Variants in QKI observed in about 807,000 individuals in gnomAD.
QKI encodes QKI, KH domain containing RNA binding.
A neutral mutation model predicts 39.0 loss-of-function variants in QKI; 10 were observed. That is an observed-to-expected ratio of 0.26 (90% CI 0.16 to 0.43). The LOEUF (loss-of-function observed/expected upper bound fraction) is 0.43. QKI is among the 20% of genes least tolerant of loss of function. The probability of loss-of-function intolerance (pLI) is 1.00; values close to 1 mark genes in which losing one functional copy is unlikely to be tolerated. For synonymous variants in QKI, 204 were observed against 155.4 expected (o/e 1.31, Z -2.33); for missense variants, 218 against 428.0 (o/e 0.51, Z 4.33).
intron 6 of QKI, 124 bp from the exon 7 acceptor site, chr6:163,566,597 C>T (rs920394994): frequency 9.8e-6 from 15 of 1,533,572 alleles, no homozygotes; most frequent in Admixed American, 4.1e-5. Flanking sequence ...TGTGCCTTAA[C>T]GTGTTTCTTA....
chr6:163,560,867 C>G (rs1369270246), intron 4 of QKI, among the ~76,000 whole-genome samples: 1 of 152,052 alleles, frequency 6.6e-6, no homozygotes, highest in Non-Finnish European at 1.5e-5. Context: ...GGGTGCTATG[C>G]CAAAAACAAC....
At chr6:163,482,915 G>A (rs1793189490) in intron 3 of QKI, among the ~76,000 whole-genome samples, 1 of 152,116 alleles carries the variant, frequency 6.6e-6, no homozygotes, top group Non-Finnish European at 1.5e-5. Context: ...TGGGGAATGA[G>A]GCTGAAAGTC....
At chr6:163,446,865 C>T (rs1434569424) in intron 1 of QKI, among the ~76,000 whole-genome samples, 2 of 152,028 alleles carry the variant, frequency 1.3e-5, no homozygotes, top group Admixed American at 6.6e-5. Flanking sequence ...TGGCAGTATC[C>T]GTTTATTCAT....
intron 7 of QKI, chr6:163,569,380 TG>T: frequency 1.6e-6 from 2 of 1,244,664 alleles, no homozygotes; most frequent in Non-Finnish European, 2.1e-6. Flanking sequence ...ATTTATGAAG[TG>T]GCACAGAATC....
intron 1 of QKI, among the ~76,000 whole-genome samples, chr6:163,438,500 C>A (rs544400302): frequency 6.6e-6 from 1 of 152,292 alleles, no homozygotes; most frequent in South Asian, 2.1e-4. Context: ...CTACTACACA[C>A]CTCAGCTGTA....
chr6:163,511,359 T>A, intron 3 of QKI, among the ~76,000 whole-genome samples: 1 of 151,952 alleles, frequency 6.6e-6, no homozygotes, highest in South Asian at 2.1e-4. Flanking sequence ...AAAAAGGAAA[T>A]AATAATAAAT....
At chr6:163,475,105 G>C (rs1473140896) in intron 2 of QKI, among the ~76,000 whole-genome samples, 1 of 152,142 alleles carries the variant, frequency 6.6e-6, no homozygotes, top group Non-Finnish European at 1.5e-5. Flanking sequence ...AGCCACTCTT[G>C]AGGAAGAGCA....
intron 2 of QKI, among the ~76,000 whole-genome samples, chr6:163,463,284 C>T (rs1324437424): frequency 6.6e-6 from 1 of 152,116 alleles, no homozygotes; most frequent in East Asian, 1.9e-4. Flanking sequence ...CCTAGGTGTT[C>T]TAGGATTTGG....
chr6:163,437,333 C>T (rs1312558677), intron 1 of QKI, among the ~76,000 whole-genome samples: 5 of 152,102 alleles, frequency 3.3e-5, no homozygotes. Flanking sequence ...TAAAATTTTA[C>T]TGTTTTTCTG....
chr6:163,559,360 T>A (rs1168851005), intron 4 of QKI, among the ~76,000 whole-genome samples: 1 of 152,188 alleles, frequency 6.6e-6, no homozygotes, highest in Non-Finnish European at 1.5e-5. Flanking sequence ...ATACTTTTGG[T>A]ATTCCATTTT....
chr6:163,480,339 G>A (rs184676443), intron 3 of QKI, among the ~76,000 whole-genome samples: 25 of 151,786 alleles, frequency 1.6e-4, no homozygotes, highest in African/African-American at 5.6e-4. Context: ...GGAATAGTGC[G>A]TGGTTAGCTG....
chr6:163,489,006 T>G (rs181714200), intron 3 of QKI, among the ~76,000 whole-genome samples: 2 of 149,984 alleles, frequency 1.3e-5, no homozygotes, highest in Non-Finnish European at 3.0e-5. Context: ...TAAACAGTTA[T>G]GTAACAGTTT....
intron 3 of QKI, among the ~76,000 whole-genome samples, chr6:163,496,838 TC>T (rs1278126799): frequency 1.2e-4 from 18 of 152,224 alleles, no homozygotes; most frequent in African/African-American, 4.1e-4. Context: ...AGAGAGACTT[TC>T]CATAACCACT....
intron 1 of QKI, among the ~76,000 whole-genome samples, chr6:163,453,617 T>C (rs971347044): frequency 3.3e-5 from 5 of 152,168 alleles, no homozygotes; most frequent in Admixed American, 3.3e-4. Flanking sequence ...AAACACCAAG[T>C]TGATACTGGA....
chr6:163,553,184 A>G (rs915449861), intron 4 of QKI, among the ~76,000 whole-genome samples: 4 of 151,134 alleles, frequency 2.6e-5, no homozygotes, highest in Non-Finnish European at 5.9e-5. Flanking sequence ...GCTCACTGCA[A>G]CCTGCACCTC....
At chr6:163,427,342 A>G (rs1411035694) in intron 1 of QKI, among the ~76,000 whole-genome samples, 6 of 148,814 alleles carry the variant, frequency 4.0e-5, no homozygotes, top group African/African-American at 1.5e-4. Context: ...TAAGGAAAAT[A>G]CTTTCAAAAT....
At chr6:163,549,210 G>C (rs531024906) in intron 4 of QKI, among the ~76,000 whole-genome samples, 280 of 152,162 alleles carry the variant, frequency 1.8e-3, no homozygotes, top group Non-Finnish European at 3.4e-3. Flanking sequence ...GAGGTTGAGG[G>C]GGGGGACATG....
At chr6:163,531,796 G>C (rs930181227) in intron 3 of QKI, among the ~76,000 whole-genome samples, 1 of 152,174 alleles carries the variant, frequency 6.6e-6, no homozygotes. Flanking sequence ...ATGAGCCACT[G>C]TGCCCGGCTG....
In QKI at chr6:163,565,410, G is replaced by A. The variant is rs549159570; in HGVS notation, c.935-1311G>A. 18 of 985,920 alleles carry A rather than the reference G, an allele frequency of 1.8e-5. No homozygotes were observed. The African/African-American group carries it at 2.3e-4, about 12-fold the overall frequency. The allele number at this position is 985,920 out of a possible 1,614,324, so 61.1% of individuals were successfully genotyped here. A position where few individuals can be genotyped will look rare whatever the true frequency, so the allele number is the denominator to read the frequency against. On this transcript the variant is annotated intron_variant, in intron 6 of 7. Coordinates refer to ENST00000361752, the MANE Select transcript of QKI (RefSeq NM_006775.3). ...CGCAAGATCTCCCTGATTTTGCCAC[G>A]TGGAATTGTACTTGTATATGATTAC...
Sources: allele counts gnomAD v4.1 joint callset (sites outside exome capture counted in the v4.1 genomes callset), GRCh38; gene constraint gnomAD v4.1.1; transcripts MANE v1.5; gene names NCBI Gene and HGNC (gene_info 2026-07-23, HGNC 2026-07-21).